The following SEC14L2 variants were observed in gnomAD, a reference collection of about 807,000 sequenced individuals.
SEC14L2 encodes the protein SEC14-like protein 2.
A neutral mutation model predicts 56.9 loss-of-function variants in SEC14L2; 50 were observed. The ratio of observed to expected loss-of-function variants is 0.88; its 90% CI spans 0.70 to 1.11. SEC14L2 has a LOEUF of 1.11. Among genes scored for constraint, SEC14L2 ranks in the 50% most tolerant of loss-of-function variants. The pLI, the probability that SEC14L2 is intolerant of heterozygous loss-of-function variation, is 0.00. For synonymous variants in SEC14L2, 179 were observed against 188.5 expected, an observed-to-expected ratio of 0.95 and a Z score of 0.41; for missense variants, 414 against 500.7, an observed-to-expected ratio of 0.83 and a Z score of 1.65.
chr22:30,409,133 G>A (rs552250082), intron 5 of SEC14L2, 54 bp from the exon 6 acceptor site: 318 of 1,484,434 alleles, frequency 2.1e-4, no homozygotes, highest in Middle Eastern at 5.2e-4. Flanking sequence ...GGACTGGAAC[G>A]GGCTTCTGAA....
At chr22:30,402,896 T>G (rs1173723688) in intron 2 of SEC14L2, among the ~76,000 whole-genome samples, 4 of 151,386 alleles carry the variant, frequency 2.6e-5, no homozygotes, top group African/African-American at 9.7e-5. Context: ...CTGGGCAATA[T>G]AGCAAGACCC....
Position 30,422,694 on chromosome 22 carries a change from C to A in SEC14L2, c.*287C>A. On this transcript the variant is annotated 3_prime_UTR_variant, in exon 12 of 12. Transcript: ENST00000615189. ...CCAGGGACAGCGAAGCTGGGGGTGG[C>A]GGGGGGCATGTACCACAGGGTGGCA... is the stretch of plus-strand genomic sequence containing the variant. 1 of 295,726 alleles carries A rather than the reference C, an allele frequency of 3.4e-6. No individual in the cohort carries two copies. Among genetic ancestry groups the A allele is most frequent in the East Asian group, 6.3e-5 (1 of 15,966 alleles). 18.3% of individuals were successfully genotyped at this position (295,726 alleles called of 1,614,324 possible).
At chr22:30,407,381 G>A (rs1472163136) in intron 4 of SEC14L2, 34 bp from the exon 5 acceptor site, 1 of 1,605,246 alleles carries the variant, frequency 6.2e-7, no homozygotes, top group Non-Finnish European at 8.5e-7. Context: ...ATGGATGCCT[G>A]CTGACCAGGT....
intron 8 of SEC14L2, among the ~76,000 whole-genome samples, chr22:30,412,862 A>C (rs944669990): frequency 1.3e-5 from 2 of 151,818 alleles, no homozygotes; most frequent in African/African-American, 4.8e-5. Context: ...AAAAAAACAA[A>C]AAAAACTTAT....
chr22:30,404,456 C>T lies in SEC14L2; in HGVS notation c.131-1886C>T, dbSNP rs1025138507. ...TCCCAGAGAGCGATGGTTAAGGGACCGGTGACAGTCCAGAGGGCAGCCTGT... is the reference window on the plus strand; with the variant it reads ...TCCCAGAGAGCGATGGTTAAGGGACTGGTGACAGTCCAGAGGGCAGCCTGT... On this transcript the variant is annotated intron_variant, in intron 2 of 11. Transcript: ENST00000615189. Among the ~76,000 whole-genome samples, 5 of 152,092 alleles carry T rather than the reference C, an allele frequency of 3.3e-5. No individual in the cohort carries two copies. The East Asian group carries it at 7.7e-4, about 23-fold the overall frequency.
At chr22:30,419,756 T>C (rs1019821718) in intron 11 of SEC14L2, among the ~76,000 whole-genome samples, 1 of 152,084 alleles carries the variant, frequency 6.6e-6, no homozygotes, top group Non-Finnish European at 1.5e-5. Context: ...TACCTACACA[T>C]GTAATTTAAA....
At position 30,422,413 on chromosome 22, in the gene SEC14L2, T is replaced by G; in HGVS notation, c.*6T>G. 3 of 1,614,028 alleles carry G rather than the reference T, an allele frequency of 1.9e-6. No homozygotes were observed. Among genetic ancestry groups the G allele is most frequent in the Non-Finnish European group, 2.5e-6 (3 of 1,179,978 alleles). On this transcript the variant is annotated 3_prime_UTR_variant, in exon 12 of 12. Transcript: ENST00000615189. Reference sequence around the variant, plus strand: ...GGGCAGGCACCCCGAAATAACACCTTCTCCTATAGCAGGCCTGGCCCCCTC... The same window carrying G: ...GGGCAGGCACCCCGAAATAACACCTGCTCCTATAGCAGGCCTGGCCCCCTC...
rs114075481 is a variant in SEC14L2, at chr22:30,399,819, A to T, written c.130+101A>T. On this transcript the variant is annotated intron_variant, in intron 2 of 11. Coordinates refer to ENST00000615189, the MANE Select transcript of SEC14L2 (RefSeq NM_012429.5). The stretch of plus-strand genomic sequence containing the variant: ...TGCCCTTGGCAATTGAGGCATCTAG[A>T]GTGTCCAACCTTTAGCGCCAAAGGG... 3.3e-3 allele frequency: 3,275 copies of T among 1,000,998 alleles called. 69 individuals carry two copies. In the African/African-American group the frequency reaches 0.046, roughly 14 times the overall value. 62.0% of individuals were successfully genotyped at this position (1,000,998 alleles called of 1,614,324 possible).
At chr22:30,410,757 T>C (rs1187373549) in intron 8 of SEC14L2, 78 bp downstream of exon 8, 2 of 1,369,604 alleles carry the variant, frequency 1.5e-6, no homozygotes, top group East Asian at 2.3e-5. Flanking sequence ...GGTGTGGCCG[T>C]AGCCACCAGG....
chr22:30,399,780 C>T, intron 2 of SEC14L2, 62 bp downstream of exon 2: 1 of 1,458,866 alleles, frequency 6.9e-7, no homozygotes, highest in Non-Finnish European at 9.4e-7. Flanking sequence ...CAGAATAGCA[C>T]CCTCTGAAAA....
rs1432235770 is a variant in SEC14L2 at position 30,399,808 on chromosome 22, G to A, written c.130+90G>A. ...TCTGAAAACCCTGCCCTTGGCAATTGAGGCATCTAGAGTGTCCAACCTTTA... is the reference window on the plus strand; with the variant it reads ...TCTGAAAACCCTGCCCTTGGCAATTAAGGCATCTAGAGTGTCCAACCTTTA... On this transcript the variant is annotated intron_variant, in intron 2 of 11. Transcript: ENST00000615189. The A allele has an allele frequency of 2.7e-6, 3 of 1,103,010 alleles. No homozygotes were observed. In the East Asian group the frequency reaches 7.4e-5, roughly 27 times the overall value. 68.3% of individuals were successfully genotyped at this position (1,103,010 alleles called of 1,614,324 possible).
chr22:30,401,680 A>T (rs377756335), intron 2 of SEC14L2, among the ~76,000 whole-genome samples: 7 of 139,928 alleles, frequency 5.0e-5, no homozygotes, highest in East Asian at 4.2e-4. Flanking sequence ...CGCCCGGCTA[A>T]TTTTTTTTTT....
At position 30,416,215 on chromosome 22, in the gene SEC14L2, T is replaced by C. The variant is rs569759533; in HGVS notation, c.912-19T>C. 2.5e-6 allele frequency: 4 copies of C among 1,612,224 alleles called. No individual in the cohort carries two copies. Among genetic ancestry groups the C allele is most frequent in the East Asian group, 4.5e-5 (2 of 44,838 alleles). ...ACACACAGACAGAATTATGTCTCAA[T>C]TGGTGATATCCCCTGCAGGTGGCAG... is the stretch of plus-strand genomic sequence containing the variant. On this transcript the variant is annotated intron_variant, in intron 10 of 11. Transcript: ENST00000615189.
intron 4 of SEC14L2, 86 bp downstream of exon 4, chr22:30,407,240 TAGAGG>T: frequency 6.5e-7 from 1 of 1,532,440 alleles, no homozygotes; most frequent in Middle Eastern, 1.7e-4. Flanking sequence ...TTTGGATCCT[TAGAGG>T]AAAGGTCTGA....
chr22:30,397,413 C>T, intron 1 of SEC14L2: 1 of 492,052 alleles, frequency 2.0e-6, no homozygotes, highest in Non-Finnish European at 3.6e-6. Context: ...GCGGTGCCAC[C>T]TGGGGACAAG....
chr22:30,414,533 G>A (rs1479375102), intron 8 of SEC14L2, among the ~76,000 whole-genome samples: 1 of 152,126 alleles, frequency 6.6e-6, no homozygotes, highest in Non-Finnish European at 1.5e-5. Flanking sequence ...AAAATCTGAG[G>A]GCTGGCAGAC....
chr22:30,401,140 G>A (rs531736739), intron 2 of SEC14L2, among the ~76,000 whole-genome samples: 1 of 151,504 alleles, frequency 6.6e-6, no homozygotes, highest in East Asian at 1.9e-4. Flanking sequence ...CCCAGGCAAT[G>A]GGCATGATCG....
intron 4 of SEC14L2, 31 bp from the exon 5 acceptor site, chr22:30,407,384 G>A (rs1934125690): frequency 5.0e-6 from 8 of 1,606,472 alleles, no homozygotes; most frequent in Non-Finnish European, 6.0e-6. Context: ...GATGCCTGCT[G>A]ACCAGGTGGC....
chr22:30,414,687 T>C (rs549011542), intron 8 of SEC14L2, among the ~76,000 whole-genome samples: 40 of 152,036 alleles, frequency 2.6e-4, no homozygotes, highest in African/African-American at 9.7e-4. Context: ...ATTTGTGAAT[T>C]TGGATTGGTG....
Sources: gnomAD v4.1 joint callset for allele counts (sites outside exome capture counted in the v4.1 genomes callset) on GRCh38, gnomAD v4.1.1 for gene constraint, MANE v1.5 for transcripts, NCBI Gene and HGNC (gene_info 2026-07-23, HGNC 2026-07-21) for gene names.